Variants in STAG1 observed in about 807,000 individuals in gnomAD.
STAG1 encodes cohesin subunit SA-1.
STAG1 carries 26 observed loss-of-function variants against 170.9 expected under a neutral mutation model. That is an observed-to-expected ratio of 0.15 (90% CI 0.11 to 0.21). The LOEUF is 0.21. Among genes scored for constraint, STAG1 ranks in the 10% least tolerant of loss-of-function variants. The pLI is 1.00. For missense variants in STAG1, 964 were observed against 1,509.5 expected, an observed-to-expected ratio of 0.64 and a Z score of 5.99; for synonymous variants, 514 against 497.7, an observed-to-expected ratio of 1.03 and a Z score of -0.44.
intron 1 of STAG1, among the ~76,000 whole-genome samples, chr3:136,666,587 G>A (rs1941786458): frequency 6.6e-6 from 1 of 152,168 alleles, no homozygotes; most frequent in African/African-American, 2.4e-5. Flanking sequence ...GGAGGCCGAG[G>A]TGGGTGGATC....
intron 5 of STAG1, among the ~76,000 whole-genome samples, chr3:136,551,220 A>T (rs1156656224): frequency 0.016 from 1,860 of 115,636 alleles, 44 homozygotes; most frequent in Non-Finnish European, 0.024. Context: ...AGAGAGAGAG[A>T]GAGAGAGAGA....
chr3:136,421,205 C>A (rs759655869), intron 19 of STAG1, 42 bp from the exon 20 acceptor site: 3 of 1,355,606 alleles, frequency 2.2e-6, no homozygotes, highest in Non-Finnish European at 3.1e-6. Context: ...ACTTTACTCA[C>A]CTTATAGTAT....
chr3:136,687,692 A>T lies in STAG1; in HGVS notation c.-83-56711T>A, dbSNP rs568051255. 5.3e-5 allele frequency among the ~76,000 whole-genome samples: 8 copies of T among 151,878 alleles called. No individual in the cohort carries two copies. In the South Asian group the frequency reaches 1.5e-3, roughly 28 times the overall value. On this transcript the variant is annotated intron_variant, in intron 1 of 33. Coordinates refer to ENST00000383202, the MANE Select transcript of STAG1 (RefSeq NM_005862.3). The stretch of plus-strand genomic sequence containing the variant: ...GGCAAGAGACTGGGAAACGTGGATT[A>T]TACATTGTCTTTCTAGAAAAATGAA...
chr3:136,477,352 C>T lies in STAG1; in HGVS notation c.963G>A (p.Met321Ile). ...CIEEIGVWMK[M>I]YSDAFLNDSY... ...TGTCATTTAGGAAGGCATCACTATA[C>T]ATTTTCATCCATACTCCAATTTCTT... Residue 321 changes from methionine to isoleucine, a missense_variant, in exon 10 of 34, where the codon ATG (methionine) becomes ATA (isoleucine). By Grantham distance (10) the Met-to-Ile change is conservative. Around this residue, in one of 11 missense-constraint regions of STAG1, gnomAD observed 57 missense variants for 157.6 expected, o/e 0.36. Transcript: ENST00000383202. 1 of 1,613,012 alleles carries T rather than the reference C, an allele frequency of 6.2e-7. No homozygotes were observed. Among genetic ancestry groups the T allele is most frequent in the Non-Finnish European group, 8.5e-7 (1 of 1,179,584 alleles).
In STAG1 at chr3:136,685,077, A is replaced by G. The variant is rs533067115; in HGVS notation, c.-83-54096T>C. Reference sequence around the variant, plus strand: ...CGCCTGTAATCCCAGCACTTTGGGAAGCCAAGGCAGGTGGATCACCTGAGG... The same window carrying G: ...CGCCTGTAATCCCAGCACTTTGGGAGGCCAAGGCAGGTGGATCACCTGAGG... On this transcript the variant is annotated intron_variant, in intron 1 of 33. Coordinates refer to ENST00000383202, the MANE Select transcript of STAG1 (RefSeq NM_005862.3). Among the ~76,000 whole-genome samples the G allele has an allele frequency of 5.5e-4, 84 of 152,018 alleles. No individual in the cohort carries two copies. The Middle Eastern group carries it at 0.01, about 18-fold the overall frequency.
intron 9 of STAG1, among the ~76,000 whole-genome samples, chr3:136,486,571 A>G (rs1482524820): frequency 6.6e-6 from 1 of 152,216 alleles, no homozygotes; most frequent in African/African-American, 2.4e-5. Context: ...TACCCTTGTA[A>G]AAGTCAATTC....
intron 1 of STAG1, among the ~76,000 whole-genome samples, chr3:136,660,219 T>C (rs943725392): frequency 2.0e-5 from 3 of 152,156 alleles, no homozygotes; most frequent in Admixed American, 6.5e-5. Flanking sequence ...CTCTTTCTCA[T>C]AGAGAGATGT....
chr3:136,384,770 G>GAAA (rs112181904), intron 22 of STAG1, among the ~76,000 whole-genome samples: 1 of 99,410 alleles, frequency 1.0e-5, no homozygotes, highest in Non-Finnish European at 2.2e-5. Context: ...TCCATTTCAA[G>GAAA]AAAAAAAAAA....
At chr3:136,386,616 G>C (rs372255467) in intron 22 of STAG1, among the ~76,000 whole-genome samples, 1 of 152,054 alleles carries the variant, frequency 6.6e-6, no homozygotes, top group East Asian at 1.9e-4. Flanking sequence ...GAAGTATATA[G>C]ATTTTAAATG....
chr3:136,396,192 A>C (rs2087143417), intron 22 of STAG1, among the ~76,000 whole-genome samples: 1 of 139,098 alleles, frequency 7.2e-6, no homozygotes, highest in Non-Finnish European at 1.5e-5. Context: ...GTGAGCCGCC[A>C]GGCCCAGTGT....
chr3:136,576,459 T>C (rs1438889126), intron 4 of STAG1, among the ~76,000 whole-genome samples: 1 of 152,208 alleles, frequency 6.6e-6, no homozygotes, highest in African/African-American at 2.4e-5. Flanking sequence ...AGCATCTGAA[T>C]CATAGATTAC....
intron 1 of STAG1, among the ~76,000 whole-genome samples, chr3:136,699,929 G>A (rs1016243784): frequency 2.6e-5 from 4 of 151,914 alleles, no homozygotes; most frequent in East Asian, 1.9e-4. Flanking sequence ...TGATACATCC[G>A]AGGAAATACA....
At chr3:136,732,929 A>G (rs1186139275) in intron 1 of STAG1, among the ~76,000 whole-genome samples, 2 of 151,976 alleles carry the variant, frequency 1.3e-5, no homozygotes, top group East Asian at 1.9e-4. Context: ...GTTTTAATCT[A>G]TTGCTAGCCC....
chr3:136,686,877 G>T (rs549855258), intron 1 of STAG1, among the ~76,000 whole-genome samples: 1 of 152,304 alleles, frequency 6.6e-6, no homozygotes, highest in Non-Finnish European at 1.5e-5. Context: ...TTTAGCAAGA[G>T]AATCTAGTGA....
chr3:136,650,580 T>C (rs1186290556), intron 1 of STAG1, among the ~76,000 whole-genome samples: 1 of 152,228 alleles, frequency 6.6e-6, no homozygotes, highest in Non-Finnish European at 1.5e-5. Flanking sequence ...TCCCAGGGCC[T>C]ACCCAAATTG....
chr3:136,341,186 A>G (rs1400463294), intron 31 of STAG1, among the ~76,000 whole-genome samples: 2 of 152,228 alleles, frequency 1.3e-5, no homozygotes, highest in African/African-American at 4.8e-5. Flanking sequence ...CTGGGATTAC[A>G]GGCGGAGCCA....
At chr3:136,408,176 C>T (rs947850227) in intron 21 of STAG1, among the ~76,000 whole-genome samples, 2 of 152,122 alleles carry the variant, frequency 1.3e-5, no homozygotes, top group East Asian at 3.8e-4. Context: ...ATATTTGCAT[C>T]TATGCCTCTG....
At chr3:136,441,900 T>C (rs2088643329) in intron 15 of STAG1, among the ~76,000 whole-genome samples, 1 of 152,184 alleles carries the variant, frequency 6.6e-6, no homozygotes, top group African/African-American at 2.4e-5. Flanking sequence ...TTTGAATTAA[T>C]ATTACTTTAG....
intron 4 of STAG1, among the ~76,000 whole-genome samples, chr3:136,579,015 T>G (rs569224752): frequency 6.6e-6 from 1 of 152,330 alleles, no homozygotes; most frequent in South Asian, 2.1e-4. Context: ...CAGAGTTTAA[T>G]CAAAGACTTG....
Sources: gnomAD v4.1 joint callset for allele counts (sites outside exome capture counted in the v4.1 genomes callset) on GRCh38, gnomAD v4.1.1 for gene constraint, gnomAD v4.1.1 regional missense constraint, MANE v1.5 for transcripts, NCBI Gene and HGNC (gene_info 2026-07-23, HGNC 2026-07-21) for gene names.